The following ACOXL variants were observed in gnomAD, a reference collection of about 807,000 sequenced individuals.
The protein encoded by ACOXL is acyl-coenzyme A oxidase-like protein.
In ACOXL, 70 loss-of-function variants were observed where a neutral mutation model predicts 71.9. That is an observed-to-expected ratio of 0.97 (90% CI 0.80 to 1.19). ACOXL has a LOEUF of 1.19. Ranked by LOEUF, ACOXL falls within the 50% of genes most tolerant of loss-of-function variation. ACOXL has a pLI of 0.00. For synonymous variants in ACOXL, 253 were observed against 281.6 expected (o/e 0.90, Z 1.02); for missense variants, 703 against 736.3 (o/e 0.95, Z 0.52).
chr2:110,997,604 G>T (rs1038675541), intron 14 of ACOXL, among the ~76,000 whole-genome samples: 5 of 152,104 alleles, frequency 3.3e-5, no homozygotes, highest in Non-Finnish European at 5.9e-5. Flanking sequence ...AGAATCAGAA[G>T]CAATTTCACT....
chr2:110,826,004 G>A (rs1689123175), intron 9 of ACOXL, among the ~76,000 whole-genome samples: 1 of 152,172 alleles, frequency 6.6e-6, no homozygotes, highest in Non-Finnish European at 1.5e-5. Flanking sequence ...CAGCTGAGAG[G>A]AGCTAGGCAA....
chr2:110,810,699 C>G (rs1196861393), intron 9 of ACOXL, among the ~76,000 whole-genome samples: 1 of 152,184 alleles, frequency 6.6e-6, no homozygotes, highest in Admixed American at 6.5e-5. Context: ...CCCACCCATC[C>G]CACTACAAAG....
intron 16 of ACOXL, among the ~76,000 whole-genome samples, chr2:111,071,925 G>A (rs556301782): frequency 2.0e-5 from 3 of 152,186 alleles, no homozygotes; most frequent in Non-Finnish European, 4.4e-5. Flanking sequence ...CTTTGTGATC[G>A]TGTTGTGGTC....
At chr2:110,798,829 C>A in intron 6 of ACOXL, 105 bp downstream of exon 6, 1 of 1,206,144 alleles carries the variant, frequency 8.3e-7, no homozygotes, top group Non-Finnish European at 1.2e-6. Flanking sequence ...TAATTCAGTA[C>A]TAACTTTATC....
intron 10 of ACOXL, among the ~76,000 whole-genome samples, chr2:110,843,419 G>C (rs1691421192): frequency 6.6e-6 from 1 of 152,172 alleles, no homozygotes; most frequent in Non-Finnish European, 1.5e-5. Flanking sequence ...GATGCCCCTG[G>C]TAGGCTGATA....
intron 1 of ACOXL, among the ~76,000 whole-genome samples, chr2:110,767,461 G>T (rs1681236513): frequency 6.6e-6 from 1 of 152,212 alleles, no homozygotes; most frequent in African/African-American, 2.4e-5. Flanking sequence ...GACAAAGTCT[G>T]CAGGCAAGTG....
intron 11 of ACOXL, among the ~76,000 whole-genome samples, chr2:110,930,973 T>A (rs1290650968): frequency 6.6e-6 from 1 of 152,256 alleles, no homozygotes; most frequent in African/African-American, 2.4e-5. Context: ...GTTTGTTTAA[T>A]CTATTTTTTG....
At chr2:110,821,766 C>T (rs564662867) in intron 9 of ACOXL, among the ~76,000 whole-genome samples, 1 of 152,216 alleles carries the variant, frequency 6.6e-6, no homozygotes, top group Admixed American at 6.5e-5. Context: ...TTTTCTCCCT[C>T]ATTATTTATC....
intron 9 of ACOXL, among the ~76,000 whole-genome samples, chr2:110,812,777 G>A (rs754603306): frequency 6.8e-4 from 104 of 152,230 alleles, no homozygotes; most frequent in Non-Finnish European, 9.7e-4. Flanking sequence ...TCGATTCCAC[G>A]AAGACGTGTT....
At chr2:111,095,607 T>TCTCCAACTCCTGGA (rs1369557545) in intron 17 of ACOXL, among the ~76,000 whole-genome samples, 1 of 152,118 alleles carries the variant, frequency 6.6e-6, no homozygotes, top group East Asian at 1.9e-4. Flanking sequence ...TCCAGGCTGA[T>TCTCCAACTCCTGGA]CTCCAACTCC....
At chr2:110,827,562 A>C (rs895911186) in intron 9 of ACOXL, among the ~76,000 whole-genome samples, 1 of 152,154 alleles carries the variant, frequency 6.6e-6, no homozygotes, top group Admixed American at 6.5e-5. Flanking sequence ...GAGGGTTTCC[A>C]GTGGGATTCA....
chr2:110,766,374 C>T lies in ACOXL; in HGVS notation c.-22-1994C>T, dbSNP rs559704964. Among the ~76,000 whole-genome samples the T allele has an allele frequency of 3.9e-5, 6 of 152,266 alleles. No individual in the cohort carries two copies. In the South Asian group the frequency reaches 1.2e-3, roughly 32 times the overall value. On this transcript the variant is annotated intron_variant, in intron 1 of 17. Coordinates refer to ENST00000439055, the MANE Select transcript of ACOXL (RefSeq NM_001142807.4). ...GGATGTCCAGGTGGCCATGTATATTCAGCTTCCTGTTGAGCCAACTTTGTT... is the reference window on the plus strand; with the variant it reads ...GGATGTCCAGGTGGCCATGTATATTTAGCTTCCTGTTGAGCCAACTTTGTT...
At chr2:110,745,386 G>T (rs1678069242) in intron 1 of ACOXL, among the ~76,000 whole-genome samples, 1 of 152,210 alleles carries the variant, frequency 6.6e-6, no homozygotes, top group Non-Finnish European at 1.5e-5. Flanking sequence ...GCAAGGATTG[G>T]CCCAGTCTAG....
At chr2:110,836,900 C>T (rs1690533296) in intron 9 of ACOXL, among the ~76,000 whole-genome samples, 1 of 152,246 alleles carries the variant, frequency 6.6e-6, no homozygotes, top group Non-Finnish European at 1.5e-5. Context: ...AGGCAGGTTG[C>T]AGGCGGGCGG....
intron 10 of ACOXL, among the ~76,000 whole-genome samples, chr2:110,894,000 G>A (rs1000470290): frequency 1.3e-5 from 2 of 151,730 alleles, no homozygotes; most frequent in South Asian, 2.1e-4. Flanking sequence ...GTTGTTTATC[G>A]CTCTTTATAT....
chr2:111,111,267 T>G (rs1416879004), intron 17 of ACOXL, among the ~76,000 whole-genome samples: 1 of 151,944 alleles, frequency 6.6e-6, no homozygotes, highest in Non-Finnish European at 1.5e-5. Flanking sequence ...TCTCGGCTAA[T>G]TTTTGTATTT....
chr2:110,946,951 T>C (rs962892823), intron 12 of ACOXL, among the ~76,000 whole-genome samples: 3 of 152,136 alleles, frequency 2.0e-5, no homozygotes, highest in African/African-American at 4.8e-5. Flanking sequence ...GGAACTGGAG[T>C]TGGCAGAACT....
chr2:110,782,878 A>C (rs1683513051), intron 2 of ACOXL, among the ~76,000 whole-genome samples: 1 of 152,176 alleles, frequency 6.6e-6, no homozygotes, highest in Admixed American at 6.5e-5. Context: ...ATGATTCCAG[A>C]GAGGGTGACT....
chr2:111,003,044 A>G (rs1281767493), intron 14 of ACOXL, among the ~76,000 whole-genome samples: 1 of 152,216 alleles, frequency 6.6e-6, no homozygotes, highest in Non-Finnish European at 1.5e-5. Flanking sequence ...TATTTTCAGC[A>G]TGAAATTAGA....
Sources: allele counts gnomAD v4.1 joint callset (sites outside exome capture counted in the v4.1 genomes callset), GRCh38; gene constraint gnomAD v4.1.1; transcripts MANE v1.5; gene names NCBI Gene and HGNC (gene_info 2026-07-23, HGNC 2026-07-21).